Variants in EFCAB6 observed in about 807,000 individuals in gnomAD.
EFCAB6 encodes EF-hand calcium-binding domain-containing protein 6.
In EFCAB6, 156 loss-of-function variants were observed where a neutral mutation model predicts 169.8. The ratio of observed to expected loss-of-function variants is 0.92; its 90% CI spans 0.81 to 1.05. EFCAB6 has a LOEUF of 1.05. Among genes scored for constraint, EFCAB6 ranks in the 50% least tolerant of loss-of-function variants. The probability of loss-of-function intolerance (pLI) is 0.00; values close to 1 mark genes in which losing one functional copy is unlikely to be tolerated. For synonymous variants in EFCAB6, 698 were observed against 676.4 expected, an observed-to-expected ratio of 1.03 and a Z score of -0.50; for missense variants, 1,800 against 1,829.1, an observed-to-expected ratio of 0.98 and a Z score of 0.29.
Position 43,599,509 on chromosome 22 carries a change from CAAAAAAAAAAAAAAAAAAAAAAAAA to C in EFCAB6, c.2876+535_2876+559del, listed in dbSNP as rs58130994. ...TGGGAGACAGAGTGAGATTCCATCT[CAAAAAAAAAAAAAAAAAAAAAAAAA>C]AAAAAAAAAAAAAAAGACACACTGC... On this transcript the variant is annotated intron_variant, in intron 23 of 31. Coordinates refer to ENST00000262726, the MANE Select transcript of EFCAB6 (RefSeq NM_022785.4). Among the ~76,000 whole-genome samples, 28 of 44,240 alleles carry C rather than the reference CAAAAAAAAAAAAAAAAAAAAAAAAA, an allele frequency of 6.3e-4. 1 individual carries two copies. Among genetic ancestry groups the C allele is most frequent in the Admixed American group, 1.9e-3 (7 of 3,714 alleles). 29.0% of individuals were successfully genotyped at this position (44,240 alleles called of 152,430 possible).
chr22:43,614,737 T>C (rs1425529761), intron 21 of EFCAB6, among the ~76,000 whole-genome samples: 4 of 152,208 alleles, frequency 2.6e-5, no homozygotes, highest in African/African-American at 4.8e-5. Context: ...ATACAGACAG[T>C]TGACTCTATG....
intron 8 of EFCAB6, among the ~76,000 whole-genome samples, chr22:43,724,821 C>T (rs2059666345): frequency 6.6e-6 from 1 of 152,342 alleles, no homozygotes; most frequent in South Asian, 2.1e-4. Flanking sequence ...TTCTAGCCTG[C>T]TCCTCCAAAT....
intron 10 of EFCAB6, among the ~76,000 whole-genome samples, chr22:43,690,307 G>A (rs1468399659): frequency 6.9e-6 from 1 of 144,382 alleles, no homozygotes; most frequent in Admixed American, 7.1e-5. Flanking sequence ...AGACCATCCT[G>A]GCTAATAGGG....
At position 43,600,228 on chromosome 22, in the gene EFCAB6, T is replaced by A. The variant is rs2052394009; in HGVS notation, c.2717A>T (p.Gln906Leu). ...DTEGKGHITY[Q>L]EFLQKLGINY... ...AATACCCAATTTCTGTAAAAATTCC[T>A]GGTAAGTAATGTGCCCTTTTCCCTC... The change falls in exon 23 of 32, where the codon CAG (glutamine) becomes CTG (leucine). Residue 906 changes from glutamine to leucine, a missense_variant. Gln to Leu is a moderately radical substitution (Grantham distance 113). Coordinates refer to ENST00000262726, the MANE Select transcript of EFCAB6 (RefSeq NM_022785.4). 1.2e-6 allele frequency: 2 copies of A among 1,614,038 alleles called. No homozygotes were observed. Among genetic ancestry groups the A allele is most frequent in the Non-Finnish European group, 1.7e-6 (2 of 1,180,022 alleles).
chr22:43,731,648 C>T (rs911274020), intron 8 of EFCAB6, 51 bp downstream of exon 8: 14 of 1,132,668 alleles, frequency 1.2e-5, no homozygotes, highest in Non-Finnish European at 1.6e-5. Flanking sequence ...ACAGGAATTA[C>T]CATGCCAAAA....
In EFCAB6 at chr22:43,731,784, C is replaced by A; in HGVS notation, c.672G>T (p.Lys224Asn). Residue 224 changes from lysine (K) to asparagine (N), a missense_variant, in exon 8 of 32, where the codon AAG becomes AAT. By Grantham distance (94) the Lys-to-Asn change is moderately conservative. Transcript: ENST00000262726. ...EKFSKHYNIH[K>N]DTAVDYNVFL... ...ACACGTTGTAATCTACTGCAGTATCCTTGTGGATGTTGTAGTGTTTCGAAA... is the reference window on the plus strand; with the variant it reads ...ACACGTTGTAATCTACTGCAGTATCATTGTGGATGTTGTAGTGTTTCGAAA... 6.3e-7 allele frequency: 1 copy of A among 1,591,566 alleles called. No homozygotes were observed. The highest frequency in any genetic ancestry group is 8.5e-7 in the Non-Finnish European group (1 of 1,171,614).
At chr22:43,672,990 G>A (rs954439715) in intron 13 of EFCAB6, among the ~76,000 whole-genome samples, 1 of 152,104 alleles carries the variant, frequency 6.6e-6, no homozygotes, top group African/African-American at 2.4e-5. Flanking sequence ...ATAACGAGAT[G>A]GTATTTTTGC....
rs5764279 is a variant in EFCAB6 at position 43,766,794 on chromosome 22, G to A, written c.352-1401C>T. ...CTCCCAAAGTTCTGGAATTATAGGC[G>A]TGAGCCAATGTGCCTGGCCTATTCT... On this transcript the variant is annotated intron_variant, in intron 4 of 31. Transcript: ENST00000262726. Among the ~76,000 whole-genome samples the A allele has an allele frequency of 2.6e-3, 389 of 152,126 alleles. 1 individual carries two copies. Among genetic ancestry groups the A allele is most frequent in the Middle Eastern group, 0.014 (4 of 292 alleles).
chr22:43,580,798 C>G, intron 24 of EFCAB6, 139 bp from the exon 25 acceptor site: 2 of 813,244 alleles, frequency 2.5e-6, no homozygotes, highest in Non-Finnish European at 3.9e-6. Flanking sequence ...GCTGTACGTG[C>G]AGACATGGCA....
At chr22:43,682,940 C>T (rs2058061177) in intron 12 of EFCAB6, among the ~76,000 whole-genome samples, 1 of 152,198 alleles carries the variant, frequency 6.6e-6, no homozygotes. Flanking sequence ...GGGGTCTCCA[C>T]AGACAGCAAA....
intron 26 of EFCAB6, among the ~76,000 whole-genome samples, chr22:43,568,843 T>G (rs926703982): frequency 6.6e-6 from 1 of 152,210 alleles, no homozygotes; most frequent in Admixed American, 6.5e-5. Context: ...TTCTGTCTGA[T>G]GTGCTTCTTC....
chr22:43,679,118 C>G (rs1041386623), intron 12 of EFCAB6, among the ~76,000 whole-genome samples: 1 of 152,132 alleles, frequency 6.6e-6, no homozygotes, highest in Non-Finnish European at 1.5e-5. Flanking sequence ...AGTTTCAGCA[C>G]CCCCAGAAGA....
At chr22:43,750,481 T>G (rs773138886) in intron 6 of EFCAB6, among the ~76,000 whole-genome samples, 7 of 152,242 alleles carry the variant, frequency 4.6e-5, no homozygotes, top group Non-Finnish European at 1.0e-4. Context: ...TAATATTTTC[T>G]TCAGATGAAA....
intron 27 of EFCAB6, among the ~76,000 whole-genome samples, chr22:43,546,313 A>G (rs531905566): frequency 6.6e-6 from 1 of 152,358 alleles, no homozygotes; most frequent in African/African-American, 2.4e-5. Flanking sequence ...AATGAACCTG[A>G]AGATAGAGTA....
intron 26 of EFCAB6, among the ~76,000 whole-genome samples, chr22:43,560,658 T>C (rs564587577): frequency 6.6e-6 from 1 of 152,246 alleles, no homozygotes; most frequent in South Asian, 2.1e-4. Context: ...CCACGGGAAG[T>C]GCAGGTGGAA....
intron 17 of EFCAB6, among the ~76,000 whole-genome samples, chr22:43,646,685 A>T (rs775608492): frequency 1.4e-4 from 22 of 152,252 alleles, no homozygotes; most frequent in African/African-American, 2.2e-4. Context: ...ACATTTAAAA[A>T]TAAAAATAAA....
intron 17 of EFCAB6, among the ~76,000 whole-genome samples, chr22:43,635,802 G>A (rs2055348123): frequency 6.6e-6 from 1 of 152,088 alleles, no homozygotes; most frequent in Admixed American, 6.5e-5. Flanking sequence ...TCAGTTTTGG[G>A]TATGTTGGGG....
intron 23 of EFCAB6, among the ~76,000 whole-genome samples, chr22:43,591,775 CTGAATT>C (rs1214505169): frequency 6.6e-6 from 1 of 152,098 alleles, no homozygotes; most frequent in African/African-American, 2.4e-5. Flanking sequence ...TTCAGAGACA[CTGAATT>C]TTCAGTCTGG....
chr22:43,604,905 G>A (rs529488397), intron 22 of EFCAB6, among the ~76,000 whole-genome samples: 1 of 152,172 alleles, frequency 6.6e-6, no homozygotes, highest in South Asian at 2.1e-4. Context: ...GGATATTTCC[G>A]AGCCTGCTGC....
Sources: gnomAD v4.1 joint callset for allele counts (sites outside exome capture counted in the v4.1 genomes callset) on GRCh38, gnomAD v4.1.1 for gene constraint, MANE v1.5 for transcripts, NCBI Gene and HGNC (gene_info 2026-07-23, HGNC 2026-07-21) for gene names.